The following PELI2 variants were observed in gnomAD, a reference collection of about 807,000 sequenced individuals.
PELI2 encodes the protein pellino E3 ubiquitin protein ligase family member 2.
Under a neutral mutation model 42.3 loss-of-function variants are expected in PELI2, and 23 were observed. The ratio of observed to expected loss-of-function variants is 0.54; its 90% CI spans 0.39 to 0.77. The LOEUF (loss-of-function observed/expected upper bound fraction) is 0.77, where lower values mean the gene tolerates loss of function less well. PELI2 is among the 30% of genes least tolerant of loss of function. The pLI is 0.00. For missense variants in PELI2, 463 were observed against 553.2 expected (o/e 0.84, Z 1.64); for synonymous variants, 245 against 212.2 (o/e 1.15, Z -1.34).
chr14:56,118,861 G>A, intron 1 of PELI2, 124 bp downstream of exon 1: 2 of 545,718 alleles, frequency 3.7e-6, no homozygotes, highest in Non-Finnish European at 5.7e-6. Flanking sequence ...GGCGGCAGGA[G>A]AGGCTCTCAG....
intron 2 of PELI2, among the ~76,000 whole-genome samples, chr14:56,235,958 C>T (rs12890930): frequency 0.4 from 61,080 of 151,774 alleles, 12,967 homozygotes; most frequent in South Asian, 0.53. Flanking sequence ...AGGTATCAAA[C>T]TCATAAAATA....
intron 1 of PELI2, among the ~76,000 whole-genome samples, chr14:56,145,337 G>A (rs2139610685): frequency 6.6e-6 from 1 of 152,242 alleles, no homozygotes; most frequent in South Asian, 2.1e-4. Context: ...CTCCCACCAG[G>A]CCCCACCTCC....
chr14:56,211,600 C>T (rs1484725433), intron 2 of PELI2, among the ~76,000 whole-genome samples: 3 of 152,048 alleles, frequency 2.0e-5, no homozygotes, highest in Non-Finnish European at 4.4e-5. Context: ...TCATCAAGTG[C>T]AAAATATATA....
chr14:56,258,386 G>A (rs1187033201), intron 2 of PELI2, among the ~76,000 whole-genome samples: 1 of 151,904 alleles, frequency 6.6e-6, no homozygotes. Context: ...TACCCAGGAG[G>A]AAAATAAATC....
At position 56,118,628 on chromosome 14, in the gene PELI2, T is replaced by TCGG. The variant is rs768860705; in HGVS notation, c.-24_-22dup. 5.4e-6 allele frequency: 7 copies of TCGG among 1,297,574 alleles called. No individual in the cohort carries two copies. The highest frequency in any genetic ancestry group is 7.0e-6 in the Non-Finnish European group (7 of 1,001,312). 80.4% of individuals were successfully genotyped at this position (1,297,574 alleles called of 1,614,324 possible). A position where few individuals can be genotyped will look rare whatever the true frequency, so the allele number is the denominator to read the frequency against. On this transcript the variant is annotated 5_prime_UTR_variant, in exon 1 of 6. Transcript: ENST00000267460. ...GGGGATCGCGGCGGAGGCGGCGGCGTCGGCGGCGGCGTCGGCGGCCGAGCG... is the reference window on the plus strand; with the variant it reads ...GGGGATCGCGGCGGAGGCGGCGGCGTCGGCGGCGGCGGCGTCGGCGGCCGAGCG...
At chr14:56,167,660 A>G (rs901942873) in intron 1 of PELI2, among the ~76,000 whole-genome samples, 2 of 151,992 alleles carry the variant, frequency 1.3e-5, no homozygotes, top group South Asian at 2.1e-4. Flanking sequence ...TTGTTTCTCT[A>G]TGTTTGGTCC....
intron 5 of PELI2, among the ~76,000 whole-genome samples, chr14:56,292,562 G>A (rs1267124295): frequency 6.6e-6 from 1 of 152,222 alleles, no homozygotes; most frequent in East Asian, 1.9e-4. Flanking sequence ...AAAGTGAGCT[G>A]CTAAAAGTCT....
chr14:56,223,880 G>C (rs1887243513), intron 2 of PELI2, among the ~76,000 whole-genome samples: 1 of 152,162 alleles, frequency 6.6e-6, no homozygotes, highest in Non-Finnish European at 1.5e-5. Flanking sequence ...TAATTTACCA[G>C]TTCGTGTCAT....
intron 1 of PELI2, among the ~76,000 whole-genome samples, chr14:56,126,982 C>T (rs745841226): frequency 8.5e-5 from 13 of 152,098 alleles, no homozygotes; most frequent in Non-Finnish European, 1.8e-4. Flanking sequence ...TTTGTCTCCT[C>T]GGGTTGTTGA....
intron 2 of PELI2, among the ~76,000 whole-genome samples, chr14:56,265,398 C>T (rs994986945): frequency 1.3e-5 from 2 of 152,014 alleles, no homozygotes; most frequent in Non-Finnish European, 1.5e-5. Context: ...TTTAAACAGA[C>T]GGTGCTGTTT....
intron 1 of PELI2, among the ~76,000 whole-genome samples, chr14:56,176,968 A>T (rs893377973): frequency 6.6e-6 from 1 of 152,244 alleles, no homozygotes; most frequent in Non-Finnish European, 1.5e-5. Context: ...TTGTTGACTC[A>T]TGGATACTTT....
intron 2 of PELI2, among the ~76,000 whole-genome samples, chr14:56,225,009 G>T (rs1373951193): frequency 6.6e-6 from 1 of 152,112 alleles, no homozygotes; most frequent in Non-Finnish European, 1.5e-5. Context: ...GAAGTTCTTG[G>T]TGTGTGCACA....
At position 56,254,355 on chromosome 14, in the gene PELI2, G is replaced by A. The variant is rs188045643; in HGVS notation, c.208-25321G>A. Among the ~76,000 whole-genome samples, 1,045 of 146,480 alleles carry A rather than the reference G, an allele frequency of 7.1e-3. 9 individuals are homozygous for A. The highest frequency in any genetic ancestry group is 9.4e-3 in the Non-Finnish European group (630 of 67,306). On this transcript the variant is annotated intron_variant, in intron 2 of 5. Coordinates refer to ENST00000267460, the MANE Select transcript of PELI2 (RefSeq NM_021255.3). ...CAGAGGTTGTAGTGAGCTGAGATGC[G>A]CCACTGCACTCCAGCCTGGTGACAG...
intron 1 of PELI2, among the ~76,000 whole-genome samples, chr14:56,147,254 G>A (rs1013200432): frequency 6.6e-6 from 1 of 152,176 alleles, no homozygotes; most frequent in African/African-American, 2.4e-5. Context: ...GAATGATGCT[G>A]TTATGAACAT....
intron 1 of PELI2, among the ~76,000 whole-genome samples, chr14:56,148,009 T>G (rs1884195102): frequency 6.6e-6 from 1 of 152,192 alleles, no homozygotes; most frequent in Non-Finnish European, 1.5e-5. Flanking sequence ...TACTGAATAC[T>G]TTTGGGTCAT....
At chr14:56,194,362 A>G (rs1453646013) in intron 2 of PELI2, among the ~76,000 whole-genome samples, 8 of 152,080 alleles carry the variant, frequency 5.3e-5, no homozygotes, top group Non-Finnish European at 1.2e-4. Context: ...ACCCTGTCCA[A>G]TCTAAGTGAG....
At chr14:56,130,975 G>A in intron 1 of PELI2, among the ~76,000 whole-genome samples, 1 of 152,166 alleles carries the variant, frequency 6.6e-6, no homozygotes, top group East Asian at 1.9e-4. Flanking sequence ...TGGAAAAGGG[G>A]CTTCAAGTAC....
chr14:56,288,813 C>T lies in PELI2; in HGVS notation c.507+179C>T, dbSNP rs1051566854. 5.3e-5 allele frequency among the ~76,000 whole-genome samples: 8 copies of T among 152,084 alleles called. No individual in the cohort carries two copies. The highest frequency in any genetic ancestry group is 1.9e-4 in the African/African-American group (8 of 41,406). Reference sequence around the variant, plus strand: ...TATTAAAAATCTGAACATTAATAAGCATTGCTTGTTATTCATTATATTTTT... The same window carrying T: ...TATTAAAAATCTGAACATTAATAAGTATTGCTTGTTATTCATTATATTTTT... On this transcript the variant is annotated intron_variant, in intron 4 of 5. Coordinates refer to ENST00000267460, the MANE Select transcript of PELI2 (RefSeq NM_021255.3). This position sits in a 1 kb window ranked among gnomAD's most constrained non-coding sequence, Gnocchi z 4.6.
At chr14:56,211,822 T>A (rs1886723368) in intron 2 of PELI2, among the ~76,000 whole-genome samples, 1 of 152,010 alleles carries the variant, frequency 6.6e-6, no homozygotes, top group Non-Finnish European at 1.5e-5. Context: ...TACTTTTTGG[T>A]ATATCTAGGC....
Sources: gnomAD v4.1 joint callset for allele counts (sites outside exome capture counted in the v4.1 genomes callset) on GRCh38, gnomAD v4.1.1 for gene constraint, Gnocchi (gnomAD v3.1) non-coding constraint, MANE v1.5 for transcripts, NCBI Gene and HGNC (gene_info 2026-07-23, HGNC 2026-07-21) for gene names.